KIF12: variants seen among roughly 807,000 people sequenced by gnomAD.
KIF12 encodes kinesin family member 12.
A neutral mutation model predicts 87.9 loss-of-function variants in KIF12; 80 were observed. The observed-to-expected ratio is 0.91, with a 90% CI of 0.76 to 1.10. The LOEUF (loss-of-function observed/expected upper bound fraction) is 1.10. KIF12 is among the 50% of genes least tolerant of loss of function. KIF12 has a pLI of 0.00. For missense variants in KIF12, 819 were observed against 865.3 expected, an observed-to-expected ratio of 0.95 and a Z score of 0.67; for synonymous variants, 353 against 348.5, an observed-to-expected ratio of 1.01 and a Z score of -0.14.
Position 114,098,420 on chromosome 9 carries a change from G to A in KIF12, c.181C>T (p.Pro61Ser). 1 of 1,504,544 alleles carries A rather than the reference G, an allele frequency of 6.6e-7. No individual in the cohort carries two copies. Among genetic ancestry groups the A allele is most frequent in the Non-Finnish European group, 8.8e-7 (1 of 1,134,192 alleles). 93.2% of individuals were successfully genotyped at this position (1,504,544 alleles called of 1,614,324 possible). The change falls in exon 4 of 19, where the codon CCA becomes TCA. Residue 61 changes from proline (P) to serine (S), a missense_variant. Transcript: ENST00000640217. ...AACGCCACTTCTGGACCCCCGCCTG[G>A]AGGACTCACCTGGCGCGGGTGGGGC... ...SGTRTLQVSP[P>S]GGGPEVAFRF...
intron 12 of KIF12, 35 bp from the exon 13 acceptor site, chr9:114,094,306 G>T: frequency 6.2e-7 from 1 of 1,610,170 alleles, no homozygotes; most frequent in Non-Finnish European, 8.5e-7. Context: ...ATCCACAGGA[G>T]CCCCAGACCC....
Position 114,097,742 on chromosome 9 carries a change from CT to C in KIF12, c.376-2del. The C allele has an allele frequency of 6.2e-7, 1 of 1,612,756 alleles. No homozygotes were observed. Among genetic ancestry groups the C allele is most frequent in the Non-Finnish European group, 8.5e-7 (1 of 1,179,502 alleles). ...TGGGGGGTACAGGCACCCCCTCCCCCTAGGGGCAAAACCAGCTGAGCCATCG... is the reference window on the plus strand; with the variant it reads ...TGGGGGGTACAGGCACCCCCTCCCCCAGGGGCAAAACCAGCTGAGCCATCG... On this transcript the variant is annotated splice_acceptor_variant, in intron 5 of 18. Transcript: ENST00000640217. LOFTEE classifies it high-confidence loss of function.
chr9:114,095,186 C>T lies in KIF12; in HGVS notation c.1014+28G>A, dbSNP rs769104473. On this transcript the variant is annotated intron_variant, in intron 10 of 18. Transcript: ENST00000640217. ...TGAGGGCCCCTTCCTCAAGACCCAA[C>T]CTTCCCTGCCAGGCCCCGCTTAAGT... 1.1e-4 allele frequency: 170 copies of T among 1,612,114 alleles called. 1 individual carries two copies. The Admixed American group carries it at 2.8e-3, about 27-fold the overall frequency.
chr9:114,098,395 A>G lies in KIF12; in HGVS notation c.206T>C (p.Phe69Ser). 6.6e-7 allele frequency: 1 copy of G among 1,510,996 alleles called. No individual in the cohort carries two copies. Among genetic ancestry groups the G allele is most frequent in the Non-Finnish European group, 8.8e-7 (1 of 1,135,992 alleles). 93.6% of individuals were successfully genotyped at this position (1,510,996 alleles called of 1,614,324 possible). Residue 69 changes from phenylalanine (F) to serine (S), a missense_variant, in exon 4 of 19, where the codon TTC becomes TCC. By Grantham distance (155) the Phe-to-Ser change is radical. Transcript: ENST00000640217. ...CGCGTCTAGCACCGCACCGAAGCGG[A>G]ACGCCACTTCTGGACCCCCGCCTGG... ...SPPGGGPEVA[F>S]RFGAVLDAAR... is the part of the protein sequence containing the mutation.
intron 18 of KIF12, 41 bp from the exon 19 acceptor site, chr9:114,092,041 C>A: frequency 6.3e-7 from 1 of 1,577,874 alleles, no homozygotes; most frequent in Non-Finnish European, 8.6e-7. Context: ...TCTCCAGGGC[C>A]CTTCCTCACC....
chr9:114,098,207 C>A lies in KIF12; in HGVS notation c.300-17G>T. ...CAGGAGAAACTGCGGGCGGCAAGGG[C>A]GTGGCTGGACTCCGGCGGCTACCCG... is the stretch of plus-strand genomic sequence containing the variant. On this transcript the variant is annotated splice_polypyrimidine_tract_variant and intron_variant, in intron 4 of 18. Coordinates refer to ENST00000640217, the MANE Select transcript of KIF12 (RefSeq NM_001388308.1). 6.5e-7 allele frequency: 1 copy of A among 1,538,980 alleles called. No homozygotes were observed.
intron 11 of KIF12, 103 bp downstream of exon 11, chr9:114,094,920 T>G: frequency 9.6e-7 from 1 of 1,044,904 alleles, no homozygotes; most frequent in Non-Finnish European, 1.4e-6. Context: ...ATCCCAACTT[T>G]GACCCAGTCC....
At chr9:114,098,451 A>AGCGCGGCACTCTGGAGGAGG in intron 3 of KIF12, 22 bp from the exon 4 acceptor site, 5 of 1,344,102 alleles carry the variant, frequency 3.7e-6, no homozygotes, top group Non-Finnish European at 4.8e-6. Flanking sequence ...GGGGCGGAGG[A>AGCGCGGCACTCTGGAGGAGG]GCGGGGCACT....
chr9:114,095,908 G>C, intron 9 of KIF12, 143 bp downstream of exon 9: 1 of 886,978 alleles, frequency 1.1e-6, no homozygotes, highest in Admixed American at 2.4e-5. Flanking sequence ...GCTGGGGCCA[G>C]AATGGGGCCT....
rs1160433146 is a variant in KIF12, at chr9:114,093,988, A to G, written c.1314-16T>C. 6.2e-7 allele frequency: 1 copy of G among 1,610,560 alleles called. No homozygotes were observed. The highest frequency in any genetic ancestry group is 1.7e-5 in the Admixed American group (1 of 60,008). ...CTTTTCTTTCCTAGGGGAGATCACA[A>G]GCCAGGAAGGGGTAGGAAATGGGGC... On this transcript the variant is annotated splice_polypyrimidine_tract_variant and intron_variant, in intron 13 of 18. Transcript: ENST00000640217.
At position 114,097,686 on chromosome 9, in the gene KIF12, G is replaced by A; in HGVS notation, c.431C>T (p.Ala144Val). 6.2e-7 allele frequency: 1 copy of A among 1,614,178 alleles called. No individual in the cohort carries two copies. The highest frequency in any genetic ancestry group is 2.2e-5 in the East Asian group (1 of 44,854). Residue 144 changes from alanine (A) to valine (V), a missense_variant, in exon 6 of 19, where the codon GCC (alanine) becomes GTC (valine). Coordinates refer to ENST00000640217, the MANE Select transcript of KIF12 (RefSeq NM_001388308.1). ...GTGCTGCACGCGGTCCAACAGCCAG[G>A]CGAAGGTCCTCTGCATGATGCCAGC... ...SLAGIMQRTFAWLLDRVQHLG... is the reference protein window; with the variant it reads ...SLAGIMQRTFVWLLDRVQHLG...
Position 114,098,052 on chromosome 9 carries a change from G to A in KIF12, c.375+63C>T, listed in dbSNP as rs181798074. The A allele has an allele frequency of 5.0e-5, 73 of 1,458,764 alleles. No individual in the cohort carries two copies. The African/African-American group carries it at 1.0e-3, about 20-fold the overall frequency. The allele number at this position is 1,458,764 out of a possible 1,614,324, so 90.4% of individuals were successfully genotyped here. ...CCTCTGGGAGTCTGCGCCGCCTGCG[G>A]CTCCCCAGGGCTTCCAGCCCACCCA... On this transcript the variant is annotated intron_variant, in intron 5 of 18. Transcript: ENST00000640217.
rs192405593 is a variant in KIF12 at position 114,096,068 on chromosome 9, C to T, written c.878G>A (p.Arg293Gln). The T allele has an allele frequency of 5.0e-6, 8 of 1,612,596 alleles. No individual in the cohort carries two copies. Among genetic ancestry groups the T allele is most frequent in the East Asian group, 4.5e-5 (2 of 44,874 alleles). The stretch of plus-strand genomic sequence containing the variant: ...GGTCTCACCCAGGGCCAGCAGGCTT[C>T]GGTTGATGCTGTTAGCCTCAAGCAT... ...ELMLEANSIN[R>Q]SLLALGHCIS... The change falls in exon 9 of 19, where the codon CGA becomes CAA. Residue 293 changes from arginine (R) to glutamine (Q), a missense_variant. Coordinates refer to ENST00000640217, the MANE Select transcript of KIF12 (RefSeq NM_001388308.1).
chr9:114,092,963 G>A, intron 16 of KIF12: 1 of 1,406,238 alleles, frequency 7.1e-7, no homozygotes, highest in East Asian at 2.5e-5. Flanking sequence ...GTATGATTCA[G>A]TAAATCCATA....
Position 114,098,306 on chromosome 9 carries a change from G to A in KIF12, c.295C>T (p.Arg99Cys), listed in dbSNP as rs771895932. ...GVRRLGELALRGFSCTVFTFG... is the reference protein window; with the variant it reads ...GVRRLGELALCGFSCTVFTFG... ...CGGAGGCGAAGCTTCACTCACCCGC[G>A]CAGCGCCAGCTCCCCCAGGCGCCGC... Residue 99 changes from arginine to cysteine, a missense_variant, in exon 4 of 19, where the codon CGC becomes TGC. By Grantham distance (180) the Arg-to-Cys change is radical (BLOSUM62 -3). Coordinates refer to ENST00000640217, the MANE Select transcript of KIF12 (RefSeq NM_001388308.1). 1.4e-6 allele frequency: 2 copies of A among 1,467,552 alleles called. No homozygotes were observed. Among genetic ancestry groups the A allele is most frequent in the South Asian group, 1.4e-5 (1 of 71,980 alleles). 90.9% of individuals were successfully genotyped at this position (1,467,552 alleles called of 1,614,324 possible).
chr9:114,097,376 G>C lies in KIF12; in HGVS notation c.571C>G (p.Arg191Gly). 6.2e-7 allele frequency: 1 copy of C among 1,608,718 alleles called. No individual in the cohort carries two copies. Among genetic ancestry groups the C allele is most frequent in the South Asian group, 1.1e-5 (1 of 90,020 alleles). Reference protein sequence around the residue: ...RPLPVRWNKTRGFYVEQLRVV... With the variant: ...RPLPVRWNKTGGFYVEQLRVV... The stretch of plus-strand genomic sequence containing the variant: ...CGCAGCTGCTCCACATAGAAGCCCC[G>C]AGTCTTGTTCCAGCGAACAGGGAGG... Residue 191 changes from arginine (R) to glycine (G), a missense_variant, in exon 7 of 19, where the codon CGG becomes GGG. Coordinates refer to ENST00000640217, the MANE Select transcript of KIF12 (RefSeq NM_001388308.1).
intron 13 of KIF12, 38 bp downstream of exon 13, chr9:114,094,143 G>A (rs1485911255): frequency 1.3e-6 from 2 of 1,580,150 alleles, no homozygotes; most frequent in Admixed American, 3.3e-5. Flanking sequence ...AGTGATGGGT[G>A]GGGAGCAGCA....
At chr9:114,095,463 T>G in intron 9 of KIF12, 131 bp from the exon 10 acceptor site, 1 of 969,240 alleles carries the variant, frequency 1.0e-6, no homozygotes, top group Non-Finnish European at 1.5e-6. Context: ...CATGATCTCA[T>G]GACTCAGTCA....
intron 6 of KIF12, 27 bp downstream of exon 6, chr9:114,097,578 CTG>C: frequency 6.2e-7 from 1 of 1,612,298 alleles, no homozygotes; most frequent in Non-Finnish European, 8.5e-7. Flanking sequence ...TCCTCATGGG[CTG>C]TCTTTCTATT....
Sources: allele counts gnomAD v4.1 joint callset, GRCh38; gene constraint gnomAD v4.1.1; transcripts MANE v1.5; gene names NCBI Gene and HGNC (gene_info 2026-07-23, HGNC 2026-07-21).